The following GPHN variants were observed in gnomAD, a reference collection of about 807,000 sequenced individuals.
GPHN encodes the protein gephyrin.
GPHN carries 17 observed loss-of-function variants against 95.5 expected under a neutral mutation model. The ratio of observed to expected loss-of-function variants is 0.18; its 90% CI spans 0.12 to 0.27. GPHN has a LOEUF of 0.27. Ranked by LOEUF, GPHN falls within the 10% of genes least tolerant of loss-of-function variation. GPHN has a pLI of 1.00. For synonymous variants in GPHN, 320 were observed against 322.5 expected, an observed-to-expected ratio of 0.99 and a Z score of 0.08; for missense variants, 660 against 978.1, an observed-to-expected ratio of 0.67 and a Z score of 4.34.
the GPHN span, among the ~76,000 whole-genome samples, chr14:67,281,364 A>G: frequency 1.3e-5 from 2 of 152,180 alleles, no homozygotes; most frequent in Non-Finnish European, 1.5e-5. Context: ...AGACATTTTA[A>G]TTACAGTGAA....
chr14:67,043,128 G>A lies in GPHN; in HGVS notation c.1007-15521G>A, dbSNP rs375229218. ...TTGCTTATCAGCTTAAGGAGATTTT[G>A]GGCTGAGACAGTGGGGTTTTCTAAA... On this transcript the variant is annotated intron_variant, in intron 10 of 22. Coordinates refer to ENST00000478722, the MANE Select transcript of GPHN (RefSeq NM_020806.5). Among the ~76,000 whole-genome samples the A allele has an allele frequency of 1.1e-4, 16 of 152,256 alleles. No homozygotes were observed. The East Asian group carries it at 3.1e-3, about 29-fold the overall frequency.
At chr14:67,208,443 A>T in the GPHN span, 3 of 1,612,262 alleles carry the variant, frequency 1.9e-6, no homozygotes, top group Admixed American at 5.0e-5. Context: ...AAGGCTGAAG[A>T]ATCCAGGTAT....
the GPHN span, chr14:67,651,326 C>G: frequency 6.2e-7 from 1 of 1,611,006 alleles, no homozygotes; most frequent in South Asian, 1.1e-5. Flanking sequence ...ATCCACATCC[C>G]TAACATCATG....
chr14:67,374,487 A>G, the GPHN span: 8 of 1,606,330 alleles, frequency 5.0e-6, no homozygotes, highest in Non-Finnish European at 6.8e-6. Flanking sequence ...ATTTGTCAAA[A>G]AGAAGAGTTT....
At chr14:66,755,603 A>G (rs1163360967) in intron 2 of GPHN, among the ~76,000 whole-genome samples, 3 of 152,068 alleles carry the variant, frequency 2.0e-5, no homozygotes, top group African/African-American at 7.2e-5. Context: ...ATGGTTCTGT[A>G]AAATCTTACC....
the GPHN span, chr14:67,398,076 A>C: frequency 2.9e-6 from 1 of 350,692 alleles, no homozygotes; most frequent in Non-Finnish European, 5.1e-6. Flanking sequence ...AAAAGAAGAG[A>C]AAAATCACTT....
chr14:66,899,805 C>A (rs1243953754), intron 5 of GPHN, among the ~76,000 whole-genome samples: 1 of 151,856 alleles, frequency 6.6e-6, no homozygotes, highest in East Asian at 1.9e-4. Flanking sequence ...ATTCCCTCCA[C>A]TTTTACTCTC....
intron 1 of GPHN, among the ~76,000 whole-genome samples, chr14:66,645,609 T>A (rs1187884885): frequency 6.6e-6 from 1 of 151,492 alleles, no homozygotes. Context: ...CAAGAATTGC[T>A]TGAATCTGGG....
chr14:66,844,585 G>T (rs2153511087), intron 4 of GPHN, among the ~76,000 whole-genome samples: 1 of 152,162 alleles, frequency 6.6e-6, no homozygotes, highest in Admixed American at 6.5e-5. Flanking sequence ...AATCTAAAGA[G>T]GTGATAGATT....
chr14:67,383,000 A>G, the GPHN span, among the ~76,000 whole-genome samples: 17 of 152,184 alleles, frequency 1.1e-4, no homozygotes, highest in Admixed American at 3.3e-4. Flanking sequence ...AGGTTTTTTT[A>G]ACAGGATATC....
intron 1 of GPHN, among the ~76,000 whole-genome samples, chr14:66,611,912 A>T (rs1210522645): frequency 6.6e-6 from 1 of 152,062 alleles, no homozygotes. Context: ...GTCATTACAA[A>T]CTTGAATATG....
chr14:67,007,225 T>C (rs573974652), intron 9 of GPHN, among the ~76,000 whole-genome samples: 2 of 152,266 alleles, frequency 1.3e-5, no homozygotes, highest in East Asian at 3.9e-4. Context: ...ACCTTGAAAA[T>C]ATAAGAAGCA....
At chr14:66,699,132 C>A (rs1350315327) in intron 2 of GPHN, among the ~76,000 whole-genome samples, 1 of 152,110 alleles carries the variant, frequency 6.6e-6, no homozygotes, top group Non-Finnish European at 1.5e-5. Context: ...AGCATGATAA[C>A]TAAATTACTT....
chr14:67,058,728 C>T lies in GPHN; in HGVS notation c.1086C>T (p.Ala362=), dbSNP rs769872938. ...TTCCTCTGACATCTATGGACAAAGCCTTTATCACAGTCCTGGAGATGACTC... is the reference window on the plus strand; with the variant it reads ...TTCCTCTGACATCTATGGACAAAGCTTTTATCACAGTCCTGGAGATGACTC... ...SPFPLTSMDK[A]FITVLEMTPV... is the part of the protein sequence containing the mutation. Residue 362 remains alanine (A), a synonymous_variant, in exon 11 of 23, where the codon GCC becomes GCT. Transcript: ENST00000478722. 10 of 1,613,536 alleles carry T rather than the reference C, an allele frequency of 6.2e-6. No individual in the cohort carries two copies. The South Asian group carries it at 1.1e-4, about 18-fold the overall frequency.
intron 18 of GPHN, among the ~76,000 whole-genome samples, chr14:67,144,576 G>T (rs1296358474): frequency 6.6e-6 from 1 of 151,820 alleles, no homozygotes; most frequent in Non-Finnish European, 1.5e-5. Context: ...TGACTAAACT[G>T]AAAAATTACA....
intron 2 of GPHN, among the ~76,000 whole-genome samples, chr14:66,685,822 A>T (rs1284399884): frequency 3.3e-5 from 5 of 152,210 alleles, no homozygotes; most frequent in African/African-American, 1.2e-4. Flanking sequence ...GTCCTTGCCC[A>T]TGCCTATGTC....
At chr14:67,161,115 A>T (rs2081951159) in intron 19 of GPHN, among the ~76,000 whole-genome samples, 1 of 152,120 alleles carries the variant, frequency 6.6e-6, no homozygotes, top group Admixed American at 6.5e-5. Flanking sequence ...CAACATCGAG[A>T]AACCCCATCT....
chr14:66,745,543 T>G (rs2058109445), intron 2 of GPHN, among the ~76,000 whole-genome samples: 1 of 152,074 alleles, frequency 6.6e-6, no homozygotes, highest in Non-Finnish European at 1.5e-5. Flanking sequence ...TTATAAATGA[T>G]AATTTGATAG....
At chr14:66,866,165 A>T (rs2063213855) in intron 4 of GPHN, among the ~76,000 whole-genome samples, 1 of 152,170 alleles carries the variant, frequency 6.6e-6, no homozygotes, top group Admixed American at 6.5e-5. Flanking sequence ...TAGGGTGTAT[A>T]GTATTATTAA....
Sources: allele counts gnomAD v4.1 joint callset (sites outside exome capture counted in the v4.1 genomes callset), GRCh38; gene constraint gnomAD v4.1.1; transcripts MANE v1.5; gene names NCBI Gene and HGNC (gene_info 2026-07-23, HGNC 2026-07-21).